The following PRRX1 variants were observed in gnomAD, a reference collection of about 807,000 sequenced individuals.
The protein encoded by PRRX1 is paired mesoderm homeobox protein 1.
A neutral mutation model predicts 24.0 loss-of-function variants in PRRX1; 8 were observed. The ratio of observed to expected loss-of-function variants is 0.33; its 90% CI spans 0.20 to 0.60. PRRX1 has a LOEUF of 0.60. PRRX1 is among the 20% of genes least tolerant of loss of function. The probability of loss-of-function intolerance (pLI) is 0.82; values close to 1 mark genes in which losing one functional copy is unlikely to be tolerated. For missense variants in PRRX1, 281 were observed against 322.4 expected, an observed-to-expected ratio of 0.87 and a Z score of 0.98; for synonymous variants, 160 against 131.7, an observed-to-expected ratio of 1.22 and a Z score of -1.47.
intron 1 of PRRX1, among the ~76,000 whole-genome samples, chr1:170,701,333 C>G (rs1192556232): frequency 1.3e-5 from 2 of 152,114 alleles, no homozygotes; most frequent in African/African-American, 4.8e-5. Context: ...TCATACTTAC[C>G]AGCCAGTACT....
intron 1 of PRRX1, among the ~76,000 whole-genome samples, chr1:170,695,124 T>C (rs1365469336): frequency 6.6e-6 from 1 of 152,202 alleles, no homozygotes; most frequent in East Asian, 1.9e-4. Flanking sequence ...AGATATCCGA[T>C]GTTGTTATGA....
intron 1 of PRRX1, among the ~76,000 whole-genome samples, chr1:170,694,121 T>A (rs986526624): frequency 6.6e-6 from 1 of 152,100 alleles, no homozygotes; most frequent in Non-Finnish European, 1.5e-5. Flanking sequence ...GGTGCAAATA[T>A]ATCCAAATTT....
chr1:170,713,092 C>T (rs896070284), intron 1 of PRRX1, among the ~76,000 whole-genome samples: 13 of 152,096 alleles, frequency 8.5e-5, no homozygotes, highest in East Asian at 3.9e-4. Context: ...TATTGTTATT[C>T]GTATTAGTAA....
chr1:170,719,841 T>C lies in PRRX1; in HGVS notation c.357T>C (p.Pro119=), dbSNP rs777187307. 11 of 1,614,168 alleles carry C rather than the reference T, an allele frequency of 6.8e-6. No homozygotes were observed. In the South Asian group the frequency reaches 1.2e-4, roughly 18 times the overall value. ...LERVFERTHY[P]DAFVREDLAR... ...GTGTCTTTGAGCGGACACACTATCC[T>C]GATGCTTTTGTGCGAGAAGACCTTG... Residue 119 remains proline (P), a synonymous_variant, in exon 2 of 4, where the codon CCT becomes CCC. Coordinates refer to ENST00000239461, the MANE Select transcript of PRRX1 (RefSeq NM_022716.4).
intron 1 of PRRX1, among the ~76,000 whole-genome samples, chr1:170,684,151 C>T (rs1392633898): frequency 1.3e-5 from 2 of 152,162 alleles, no homozygotes; most frequent in Admixed American, 6.5e-5. Context: ...GATCCTGTTC[C>T]TCCTCTTTTC....
At chr1:170,683,023 T>C (rs1653606977) in intron 1 of PRRX1, among the ~76,000 whole-genome samples, 1 of 152,186 alleles carries the variant, frequency 6.6e-6, no homozygotes, top group African/African-American at 2.4e-5. Context: ...CTTTGAGAGA[T>C]GACAAAGTCA....
At chr1:170,712,684 T>G (rs1167693684) in intron 1 of PRRX1, among the ~76,000 whole-genome samples, 1 of 152,192 alleles carries the variant, frequency 6.6e-6, no homozygotes, top group East Asian at 1.9e-4. Flanking sequence ...GACCCCAGGA[T>G]GCAGGTGATC....
chr1:170,711,273 G>A (rs143969291), intron 1 of PRRX1, among the ~76,000 whole-genome samples: 1 of 152,034 alleles, frequency 6.6e-6, no homozygotes, highest in Non-Finnish European at 1.5e-5. Flanking sequence ...ATTACCTTTG[G>A]TTCTATCTCT....
intron 1 of PRRX1, among the ~76,000 whole-genome samples, chr1:170,713,260 A>G (rs907617040): frequency 9.2e-5 from 14 of 152,182 alleles, no homozygotes; most frequent in African/African-American, 3.4e-4. Flanking sequence ...CACACGGAAA[A>G]TGCCCACATA....
intron 1 of PRRX1, among the ~76,000 whole-genome samples, chr1:170,708,219 G>A (rs752171798): frequency 4.6e-5 from 7 of 152,156 alleles, no homozygotes; most frequent in Non-Finnish European, 7.3e-5. Flanking sequence ...CAGACAGAAT[G>A]ACTATTAACA....
intron 1 of PRRX1, among the ~76,000 whole-genome samples, chr1:170,682,587 C>T (rs1035216664): frequency 6.6e-6 from 1 of 152,072 alleles, no homozygotes; most frequent in African/African-American, 2.4e-5. Context: ...CTTCCATGCC[C>T]ATCTCTTTTT....
At chr1:170,726,091 T>C (rs1655244745) in intron 2 of PRRX1, 129 bp from the exon 3 acceptor site, 7 of 907,996 alleles carry the variant, frequency 7.7e-6, no homozygotes, top group Admixed American at 6.3e-5. Flanking sequence ...GAGAATTCCA[T>C]AGCCATCTTA....
chr1:170,682,934 G>T (rs1017733824), intron 1 of PRRX1, among the ~76,000 whole-genome samples: 1 of 152,226 alleles, frequency 6.6e-6, no homozygotes, highest in Non-Finnish European at 1.5e-5. Flanking sequence ...CAAGTGCAAA[G>T]GCCCTGAGGC....
intron 1 of PRRX1, among the ~76,000 whole-genome samples, chr1:170,679,195 A>G (rs1217304694): frequency 2.0e-5 from 3 of 152,208 alleles, no homozygotes; most frequent in African/African-American, 7.2e-5. Context: ...AGCACTTATC[A>G]TGGTGCTTTT....
chr1:170,663,323 C>T (rs564876642), upstream of PRRX1: 3 of 152,084 alleles, frequency 2.0e-5, no homozygotes, highest in Middle Eastern at 0.01. Context: ...TCTTGTATTC[C>T]CTACAAAGCC....
chr1:170,712,836 T>G (rs1391179745), intron 1 of PRRX1, among the ~76,000 whole-genome samples: 4 of 152,174 alleles, frequency 2.6e-5, no homozygotes, highest in African/African-American at 9.7e-5. Context: ...TCTACTCCAC[T>G]CCACTTCCAA....
intron 1 of PRRX1, among the ~76,000 whole-genome samples, chr1:170,688,938 T>C (rs1309030232): frequency 2.0e-5 from 3 of 152,138 alleles, no homozygotes; most frequent in Non-Finnish European, 2.9e-5. Flanking sequence ...TGGTTTTTAG[T>C]TCTGTGACAA....
intron 1 of PRRX1, among the ~76,000 whole-genome samples, chr1:170,699,473 G>A (rs1654285154): frequency 6.6e-6 from 1 of 151,986 alleles, no homozygotes; most frequent in Non-Finnish European, 1.5e-5. Context: ...TAAATGGCAA[G>A]AAGATGGCTC....
chr1:170,666,283 T>A (rs1461667190), intron 1 of PRRX1, among the ~76,000 whole-genome samples: 1 of 151,728 alleles, frequency 6.6e-6, no homozygotes, highest in African/African-American at 2.4e-5. Flanking sequence ...CCGGGCGTAG[T>A]GCCGAGCGCC....
Sources: allele counts gnomAD v4.1 joint callset (sites outside exome capture counted in the v4.1 genomes callset), GRCh38; gene constraint gnomAD v4.1.1; transcripts MANE v1.5; gene names NCBI Gene and HGNC (gene_info 2026-07-23, HGNC 2026-07-21).